CERS3: variants seen among roughly 807,000 people sequenced by gnomAD.
The protein encoded by CERS3 is ceramide synthase 3.
Under a neutral mutation model 50.3 loss-of-function variants are expected in CERS3, and 33 were observed. The ratio of observed to expected loss-of-function variants is 0.66; its 90% CI spans 0.50 to 0.88. The LOEUF is 0.88. Ranked by LOEUF, CERS3 falls within the 40% of genes least tolerant of loss-of-function variation. The pLI, the probability that CERS3 is intolerant of heterozygous loss-of-function variation, is 0.00. For synonymous variants in CERS3, 176 were observed against 155.2 expected, an observed-to-expected ratio of 1.13 and a Z score of -0.99; for missense variants, 470 against 460.3, an observed-to-expected ratio of 1.02 and a Z score of -0.19.
At chr15:100,472,893 T>C in intron 9 of CERS3, 31 bp downstream of exon 9, 1 of 1,613,306 alleles carries the variant, frequency 6.2e-7, no homozygotes, top group Non-Finnish European at 8.5e-7. Context: ...GACATGGTAT[T>C]GTCATTAGTT....
chr15:100,416,267 G>A (rs1191795213), intron 11 of CERS3, among the ~76,000 whole-genome samples: 1 of 152,114 alleles, frequency 6.6e-6, no homozygotes, highest in East Asian at 1.9e-4. Flanking sequence ...AAACAGAATG[G>A]TACTGGTACA....
intron 2 of CERS3, among the ~76,000 whole-genome samples, chr15:100,506,807 G>A (rs148037632): frequency 0.011 from 1,680 of 152,294 alleles, 54 homozygotes; most frequent in Admixed American, 0.062. Flanking sequence ...AATGGCTTCT[G>A]ATGGGTACAG....
chr15:100,467,450 T>C (rs2034784131), intron 10 of CERS3, among the ~76,000 whole-genome samples: 1 of 152,036 alleles, frequency 6.6e-6, no homozygotes, highest in Non-Finnish European at 1.5e-5. Flanking sequence ...TTTAAAGGAT[T>C]ATAAAACAAA....
chr15:100,498,556 T>C (rs1238464173), intron 3 of CERS3, among the ~76,000 whole-genome samples: 1 of 152,132 alleles, frequency 6.6e-6, no homozygotes, highest in African/African-American at 2.4e-5. Context: ...GGTTCAAAGT[T>C]AGGTTAATTA....
chr15:100,544,437 T>TCTCTCGGCCTAGGTCTGTGCGGGGA (rs1567697375), intron 1 of CERS3: 1 of 101,458 alleles, frequency 9.9e-6, no homozygotes, highest in African/African-American at 4.1e-5. Context: ...CTGCGCGGGG[T>TCTCTCGGCCTAGGTCTGTGCGGGGA]CACGGGCCCT....
rs146783083 is a variant in CERS3 at position 100,496,358 on chromosome 15, G to A, written c.173+5319C>T. ...TTGAAAGACTATTCAGCAATAGAAA[G>A]GAACCACTGATATACATAACATGAA... On this transcript the variant is annotated intron_variant, in intron 3 of 11. Coordinates refer to ENST00000679737, the MANE Select transcript of CERS3 (RefSeq NM_001378789.1). Among the ~76,000 whole-genome samples, 79 of 152,040 alleles carry A rather than the reference G, an allele frequency of 5.2e-4. 1 individual carries two copies. Among genetic ancestry groups the A allele is most frequent in the African/African-American group, 1.8e-3 (76 of 41,476 alleles).
At chr15:100,525,988 G>A (rs1489108580) in intron 1 of CERS3, among the ~76,000 whole-genome samples, 3 of 152,178 alleles carry the variant, frequency 2.0e-5, no homozygotes, top group Non-Finnish European at 4.4e-5. Flanking sequence ...GTTGTATTGT[G>A]TGTTGAGGTG....
intron 9 of CERS3, among the ~76,000 whole-genome samples, chr15:100,471,971 A>C (rs2034982453): frequency 6.6e-6 from 1 of 152,198 alleles, no homozygotes; most frequent in Non-Finnish European, 1.5e-5. Context: ...AAAACAAAAA[A>C]CACAGAAGAA....
intron 11 of CERS3, among the ~76,000 whole-genome samples, chr15:100,438,422 T>C (rs1181843603): frequency 6.6e-6 from 1 of 152,200 alleles, no homozygotes; most frequent in Admixed American, 6.5e-5. Flanking sequence ...ATTTTAACTC[T>C]TGAAAATTTT....
At chr15:100,491,019 C>T in intron 3 of CERS3, 88 bp from the exon 4 acceptor site, 1 of 774,184 alleles carries the variant, frequency 1.3e-6, no homozygotes. Context: ...CTTCAGGTTT[C>T]TAATGAAATC....
intron 2 of CERS3, among the ~76,000 whole-genome samples, chr15:100,505,181 CA>C (rs1383058233): frequency 6.6e-6 from 1 of 152,190 alleles, no homozygotes; most frequent in African/African-American, 2.4e-5. Context: ...ATAGCAATGA[CA>C]CTGAGTTAGG....
intron 4 of CERS3, among the ~76,000 whole-genome samples, chr15:100,488,829 T>G (rs1261490186): frequency 2.0e-5 from 3 of 151,462 alleles, no homozygotes; most frequent in African/African-American, 7.3e-5. Context: ...CAGGCTGGAC[T>G]GTGGTGGCGC....
chr15:100,431,845 C>A (rs958931172), intron 11 of CERS3, among the ~76,000 whole-genome samples: 2 of 152,208 alleles, frequency 1.3e-5, no homozygotes, highest in African/African-American at 4.8e-5. Flanking sequence ...CTGTAGTCAA[C>A]ATAGCTAGCA....
At chr15:100,438,949 C>T (rs1013510118) in intron 11 of CERS3, among the ~76,000 whole-genome samples, 1 of 152,204 alleles carries the variant, frequency 6.6e-6, no homozygotes, top group Non-Finnish European at 1.5e-5. Flanking sequence ...TATTTTCCTT[C>T]TAATTTCCTC....
chr15:100,419,708 A>C (rs2032256265), intron 11 of CERS3, among the ~76,000 whole-genome samples: 2 of 151,938 alleles, frequency 1.3e-5, no homozygotes, highest in Non-Finnish European at 2.9e-5. Context: ...CAAATGTAAA[A>C]GAATAGAAAT....
intron 10 of CERS3, among the ~76,000 whole-genome samples, chr15:100,465,197 C>T (rs534536721): frequency 2.7e-4 from 41 of 152,120 alleles, no homozygotes; most frequent in African/African-American, 9.9e-4. Flanking sequence ...AAACTGCCGC[C>T]CACAGTGCCT....
chr15:100,443,705 T>C (rs34979810), intron 11 of CERS3, among the ~76,000 whole-genome samples: 51,975 of 130,006 alleles, frequency 0.4, 10,559 homozygotes, highest in Non-Finnish European at 0.5. Flanking sequence ...AATTTCTTCC[T>C]TACCTGTTAC....
At chr15:100,542,573 A>G (rs1324651955) in intron 1 of CERS3, among the ~76,000 whole-genome samples, 3 of 152,192 alleles carry the variant, frequency 2.0e-5, no homozygotes, top group East Asian at 1.9e-4. Context: ...AATATAAAAC[A>G]TGGAGCTAAT....
intron 3 of CERS3, 45 bp downstream of exon 3, chr15:100,501,632 G>A (rs181373519): frequency 6.7e-7 from 1 of 1,503,098 alleles, no homozygotes; most frequent in East Asian, 2.3e-5. Flanking sequence ...TCTAGTGTTA[G>A]AGCAAAGAGG....
Sources: gnomAD v4.1 joint callset for allele counts (sites outside exome capture counted in the v4.1 genomes callset) on GRCh38, gnomAD v4.1.1 for gene constraint, MANE v1.5 for transcripts, NCBI Gene and HGNC (gene_info 2026-07-23, HGNC 2026-07-21) for gene names.